CERS1: variants seen among roughly 807,000 people sequenced by gnomAD.
The protein encoded by CERS1 is Embryonic growth/differentiation factor 1.
Under a neutral mutation model 35.7 loss-of-function variants are expected in CERS1, and 16 were observed. The observed-to-expected ratio is 0.45, with a 90% CI of 0.30 to 0.68. The LOEUF (loss-of-function observed/expected upper bound fraction) is 0.68, where lower values mean the gene tolerates loss of function less well. Among genes scored for constraint, CERS1 ranks in the 30% least tolerant of loss-of-function variants. The pLI is 0.08. For missense variants in CERS1, 454 were observed against 453.9 expected, an observed-to-expected ratio of 1.00 and a Z score of 0.00; for synonymous variants, 243 against 201.6, an observed-to-expected ratio of 1.21 and a Z score of -1.74.
At chr19:18,875,661 G>C (rs2056048009) in intron 6 of CERS1, among the ~76,000 whole-genome samples, 1 of 151,980 alleles carries the variant, frequency 6.6e-6, no homozygotes, top group South Asian at 2.1e-4. Context: ...CTCGGCCTTT[G>C]TGGCCACGTT....
intron 3 of CERS1, among the ~76,000 whole-genome samples, chr19:18,882,633 T>C (rs2056240905): frequency 6.7e-6 from 1 of 150,116 alleles, no homozygotes; most frequent in South Asian, 2.1e-4. Context: ...CGAGACTCTG[T>C]CTCAAAAAAA....
chr19:18,869,983 C>T lies in CERS1; in HGVS notation c.*594G>A, dbSNP rs2055935775. 1.3e-6 allele frequency: 2 copies of T among 1,586,818 alleles called. No individual in the cohort carries two copies. On this transcript the variant is annotated splice_region_variant and 3_prime_UTR_variant, in exon 7 of 8. Coordinates refer to ENST00000623882, the MANE Select transcript of CERS1 (RefSeq NM_021267.5). ...TGTCCCCAGCGAAAGCCCCACTCAC[C>T]GCGGTCCGGGATGTGGCGCACGATG...
At position 18,870,381 on chromosome 19, in the gene CERS1, C is replaced by T. The variant is rs2055946700; in HGVS notation, c.*196G>A. The T allele has an allele frequency of 2.8e-5, 41 of 1,465,802 alleles. No homozygotes were observed. In the South Asian group the frequency reaches 4.4e-4, roughly 16 times the overall value. The allele number at this position is 1,465,802 out of a possible 1,614,324, so 90.8% of individuals were successfully genotyped here. On this transcript the variant is annotated 3_prime_UTR_variant, in exon 7 of 8. Transcript: ENST00000623882. The surrounding 1 kb of genome is among the most constrained non-coding windows in gnomAD (Gnocchi z 5.1). The stretch of plus-strand genomic sequence containing the variant: ...GGGACCAGTGGGCTGAGGGCGGGGC[C>T]GGTGTCCCCGGAGGGGCAGGGGTCC...
rs760185006 is a variant in CERS1 at position 18,895,895 on chromosome 19, G to A, written c.178C>T (p.Leu60=). The A allele has an allele frequency of 4.6e-4, 576 of 1,264,130 alleles. 2 individuals carry two copies. Among genetic ancestry groups the A allele is most frequent in the Non-Finnish European group, 5.5e-4 (549 of 1,004,904 alleles). The allele number at this position is 1,264,130 out of a possible 1,614,324, so 78.3% of individuals were successfully genotyped here. Reference sequence around the variant, plus strand: ...AGCGCGCCGAGCGCCAGCAGCAGCAGCTCGGGCGGCGCCAGGTGCGCGTGC... The same window carrying A: ...AGCGCGCCGAGCGCCAGCAGCAGCAACTCGGGCGGCGCCAGGTGCGCGTGC... ...AEHAHLAPPE[L]LLLALGALGW... The change falls in exon 1 of 8, where the codon CTG becomes TTG. Residue 60 remains leucine (L), a synonymous_variant. Transcript: ENST00000623882. The surrounding 1 kb of genome is among the most constrained non-coding windows in gnomAD (Gnocchi z 6.4).
rs139174485 is a variant in CERS1, at chr19:18,870,710, C to G, written c.1011-91G>C. The G allele has an allele frequency of 1.6e-3, 794 of 482,894 alleles. 3 individuals are homozygous for G. The highest frequency in any genetic ancestry group is 0.014 in the African/African-American group (671 of 49,040). The allele number at this position is 482,894 out of a possible 1,614,324, so 29.9% of individuals were successfully genotyped here. A position where few individuals can be genotyped will look rare whatever the true frequency, so the allele number is the denominator to read the frequency against. ...CTTCTTCTCTGGCCGTTTCACACCC[C>G]CTGGCTCCTTTTACCCGGCCAGGCC... On this transcript the variant is annotated intron_variant, in intron 6 of 7. Transcript: ENST00000623882. The surrounding 1 kb of genome is among the most constrained non-coding windows in gnomAD (Gnocchi z 5.1).
intron 7 of CERS1, 109 bp downstream of exon 7, chr19:18,869,874 G>C (rs1198951966): frequency 2.2e-5 from 24 of 1,080,904 alleles, no homozygotes; most frequent in Admixed American, 8.0e-5. Context: ...GCCTGGACAG[G>C]GCGGGTGGGG....
chr19:18,870,187 G>A lies in CERS1; in HGVS notation c.*390C>T. 4 of 1,563,222 alleles carry A rather than the reference G, an allele frequency of 2.6e-6. No individual in the cohort carries two copies. The highest frequency in any genetic ancestry group is 1.7e-6 in the Non-Finnish European group (2 of 1,161,918). The stretch of plus-strand genomic sequence containing the variant: ...GGCTCATCGCGCAGTCCTAGAGCCT[G>A]GAGCAGGGCGGCGGCTGGGCCTGGG... On this transcript the variant is annotated 3_prime_UTR_variant, in exon 7 of 8. Transcript: ENST00000623882. This position sits in a 1 kb window ranked among gnomAD's most constrained non-coding sequence, Gnocchi z 5.1.
intron 2 of CERS1, among the ~76,000 whole-genome samples, chr19:18,890,474 G>A (rs1160330200): frequency 1.3e-5 from 2 of 152,164 alleles, no homozygotes; most frequent in African/African-American, 4.8e-5. Flanking sequence ...ACTTGTGAGT[G>A]TCATTTACAA....
chr19:18,896,342 G>A (rs2056626721), upstream of CERS1, among the ~76,000 whole-genome samples: 1 of 150,684 alleles, frequency 6.6e-6, no homozygotes, highest in African/African-American at 2.4e-5. This position sits in a 1 kb window ranked among gnomAD's most constrained non-coding sequence, Gnocchi z 5.9. Context: ...CTGGGGGCCC[G>A]TTGGACCTGG....
At chr19:18,871,014 G>A (rs1293474917) in intron 6 of CERS1, among the ~76,000 whole-genome samples, 1 of 151,888 alleles carries the variant, frequency 6.6e-6, no homozygotes, top group Admixed American at 6.6e-5. Context: ...CCCACCCCAC[G>A]AAGGCTAGTC....
chr19:18,895,045 G>A lies in CERS1; in HGVS notation c.249+779C>T, dbSNP rs2056592104. On this transcript the variant is annotated intron_variant, in intron 1 of 7. Coordinates refer to ENST00000623882, the MANE Select transcript of CERS1 (RefSeq NM_021267.5). The surrounding 1 kb of genome is among the most constrained non-coding windows in gnomAD (Gnocchi z 6.4). ...ATCATGGTCACTCTCTCGCAGGGGC[G>A]ATGGTCTCCGCAGAAACTGGGGAAT... Among the ~76,000 whole-genome samples the A allele has an allele frequency of 6.6e-6, 1 of 152,224 alleles. No homozygotes were observed. Among genetic ancestry groups the A allele is most frequent in the Non-Finnish European group, 1.5e-5 (1 of 68,042 alleles).
intron 1 of CERS1, among the ~76,000 whole-genome samples, chr19:18,894,387 G>A (rs955162282): frequency 6.6e-6 from 1 of 152,144 alleles, no homozygotes. Flanking sequence ...GCTGGAGCCG[G>A]CTCCGGTAAC....
In CERS1 at chr19:18,868,734, C is replaced by A; in HGVS notation, c.*1251G>T. On this transcript the variant is annotated 3_prime_UTR_variant, in exon 8 of 8. Coordinates refer to ENST00000623882, the MANE Select transcript of CERS1 (RefSeq NM_021267.5). ...CAGGGCAGGTCGGCGGCTCCCGGGG[C>A]GGCCGCGTGCATGAGCGCGCGCAGC... 1.3e-6 allele frequency: 2 copies of A among 1,532,476 alleles called. No homozygotes were observed. Among genetic ancestry groups the A allele is most frequent in the Non-Finnish European group, 1.8e-6 (2 of 1,136,004 alleles). The allele number at this position is 1,532,476 out of a possible 1,614,324, so 94.9% of individuals were successfully genotyped here.
At chr19:18,872,301 G>A (rs550649279) in intron 6 of CERS1, among the ~76,000 whole-genome samples, 4 of 152,244 alleles carry the variant, frequency 2.6e-5, no homozygotes, top group South Asian at 4.1e-4. Context: ...TGTGGGTGGC[G>A]GTGTACCCAC....
intron 2 of CERS1, among the ~76,000 whole-genome samples, chr19:18,886,405 CG>C (rs1438667070): frequency 6.6e-6 from 1 of 152,074 alleles, no homozygotes; most frequent in Non-Finnish European, 1.5e-5. Context: ...AAAAATTAGC[CG>C]GGTGTGGTGG....
intron 2 of CERS1, among the ~76,000 whole-genome samples, chr19:18,891,605 T>C (rs1462700821): frequency 6.6e-6 from 1 of 151,868 alleles, no homozygotes; most frequent in Admixed American, 6.6e-5. Flanking sequence ...CCAGGCAGGG[T>C]CTCGCTCTGT....
Position 18,870,603 on chromosome 19 carries a change from C to A in CERS1, c.1027G>T (p.Gly343Cys), listed in dbSNP as rs867088689. 1 of 578,528 alleles carries A rather than the reference C, an allele frequency of 1.7e-6. No individual in the cohort carries two copies. Among genetic ancestry groups the A allele is most frequent in the Non-Finnish European group, 3.1e-6 (1 of 319,428 alleles). 35.8% of individuals were successfully genotyped at this position (578,528 alleles called of 1,614,324 possible). The change falls in exon 7 of 8, where the codon GGC becomes TGC. Residue 343 changes from glycine to cysteine, a missense_variant. Gly to Cys is a radical substitution (Grantham distance 159, BLOSUM62 -3). Coordinates refer to ENST00000623882, the MANE Select transcript of CERS1 (RefSeq NM_021267.5). The surrounding 1 kb of genome is among the most constrained non-coding windows in gnomAD (Gnocchi z 5.1). ...CAGAAGCGCTTGTCCTTCACCAGGC[C>A]GTTCCTCAGTGGCTTCCTGGGGGTC... ...PSKAEKPLRN[G>C]LVKDKRF is the part of the protein sequence containing the mutation.
In CERS1 at chr19:18,893,638, G is replaced by A. The variant is rs144813124; in HGVS notation, c.250-63C>T. 2.4e-3 allele frequency: 3,605 copies of A among 1,517,006 alleles called. 59 individuals are homozygous for A. The African/African-American group carries it at 0.042, about 18-fold the overall frequency. 94.0% of individuals were successfully genotyped at this position (1,517,006 alleles called of 1,614,324 possible). On this transcript the variant is annotated intron_variant, in intron 1 of 7. Transcript: ENST00000623882. ...GGGGGCCAGAGACTGCTCCTTTGGG[G>A]TGGGGAAACTGAGGCCCAGGGACTC...
At position 18,883,997 on chromosome 19, in the gene CERS1, C is replaced by G. The variant is rs571714962; in HGVS notation, c.590+90G>C. On this transcript the variant is annotated intron_variant, in intron 3 of 7. Coordinates refer to ENST00000623882, the MANE Select transcript of CERS1 (RefSeq NM_021267.5). ...CACTCCGACCTGATGTGATCCCCTC[C>G]ACGGCCTCCTCTGTGCCCCGCCGCA... 5.8e-6 allele frequency: 8 copies of G among 1,385,928 alleles called. No homozygotes were observed. The South Asian group carries it at 9.5e-5, about 17-fold the overall frequency. The allele number at this position is 1,385,928 out of a possible 1,614,324, so 85.9% of individuals were successfully genotyped here.
Sources: gnomAD v4.1 joint callset for allele counts (sites outside exome capture counted in the v4.1 genomes callset) on GRCh38, gnomAD v4.1.1 for gene constraint, Gnocchi (gnomAD v3.1) non-coding constraint, MANE v1.5 for transcripts, NCBI Gene and HGNC (gene_info 2026-07-23, HGNC 2026-07-21) for gene names.